CYRIB: variants seen among roughly 807,000 people sequenced by gnomAD.
CYRIB encodes CYFIP related Rac1 interactor B, also known as CYFIP-related Rac1 interactor B.
Under a neutral mutation model 44.2 loss-of-function variants are expected in CYRIB, and 8 were observed. That is an observed-to-expected ratio of 0.18 (90% CI 0.11 to 0.33). The LOEUF (loss-of-function observed/expected upper bound fraction) is 0.33. Among genes scored for constraint, CYRIB ranks in the 10% least tolerant of loss-of-function variants. The pLI, the probability that CYRIB is intolerant of heterozygous loss-of-function variation, is 1.00. For synonymous variants in CYRIB, 131 were observed against 127.2 expected, an observed-to-expected ratio of 1.03 and a Z score of -0.20; for missense variants, 185 against 382.8, an observed-to-expected ratio of 0.48 and a Z score of 4.31.
intron 4 of CYRIB, among the ~76,000 whole-genome samples, chr8:129,865,958 G>A (rs957291121): frequency 4.6e-5 from 7 of 152,224 alleles, no homozygotes; most frequent in Non-Finnish European, 7.4e-5. Context: ...CAGCCACATC[G>A]GGGAAAATAG....
chr8:129,995,445 C>A (rs1229211080), intron 1 of CYRIB, among the ~76,000 whole-genome samples: 3 of 152,230 alleles, frequency 2.0e-5, no homozygotes, highest in African/African-American at 4.8e-5. Context: ...ACCCTAGAAG[C>A]CATTCAGCAT....
intron 10 of CYRIB, chr8:129,847,082 T>A (rs1284509642): frequency 8.7e-6 from 4 of 459,736 alleles, no homozygotes; most frequent in African/African-American, 6.1e-5. Flanking sequence ...GAGAACAAAA[T>A]CAGTCAAACT....
Position 129,849,414 on chromosome 8 carries a change from T to C in CYRIB, c.714-45A>G, listed in dbSNP as rs758583700. ...TGCATGGAAGAAGTGCATTACAAAA[T>C]TCTTTTTAAAAACACACACACACAA... is the stretch of plus-strand genomic sequence containing the variant. On this transcript the variant is annotated intron_variant, in intron 9 of 11. Coordinates refer to ENST00000519824, the Ensembl canonical transcript of CYRIB. 6 of 1,559,912 alleles carry C rather than the reference T, an allele frequency of 3.8e-6. No homozygotes were observed. In the South Asian group the frequency reaches 6.0e-5, roughly 16 times the overall value.
intron 2 of CYRIB, among the ~76,000 whole-genome samples, chr8:129,883,278 G>C (rs549088371): frequency 2.0e-5 from 3 of 151,996 alleles, no homozygotes; most frequent in African/African-American, 7.2e-5. Context: ...CAATCCACTA[G>C]ATACTAGCAG....
intron 1 of CYRIB, among the ~76,000 whole-genome samples, chr8:129,926,117 A>G (rs2087566455): frequency 6.6e-6 from 1 of 152,234 alleles, no homozygotes; most frequent in Admixed American, 6.5e-5. Context: ...CAAACTCAGA[A>G]TACAAGAGTT....
chr8:129,917,657 G>A (rs1361451292), intron 1 of CYRIB, among the ~76,000 whole-genome samples: 3 of 152,136 alleles, frequency 2.0e-5, no homozygotes, highest in Non-Finnish European at 4.4e-5. Context: ...AGGAGTTCGA[G>A]ATCAGCCTGA....
At chr8:129,975,152 T>C (rs1222369970) in intron 1 of CYRIB, among the ~76,000 whole-genome samples, 2 of 152,074 alleles carry the variant, frequency 1.3e-5, no homozygotes, top group African/African-American at 4.8e-5. Context: ...GTGCTGGGAT[T>C]ACAGGCGTGA....
intron 1 of CYRIB, among the ~76,000 whole-genome samples, chr8:129,919,093 CCTGGCCTCCAGTGA>C (rs1259548255): frequency 5.9e-5 from 9 of 152,130 alleles, no homozygotes; most frequent in Non-Finnish European, 1.5e-5. Context: ...GTCTCGAACT[CCTGGCCTCCAGTGA>C]TTGGCCTCGG....
intron 1 of CYRIB, among the ~76,000 whole-genome samples, chr8:129,971,220 A>G (rs2095678215): frequency 6.6e-6 from 1 of 152,068 alleles, no homozygotes; most frequent in African/African-American, 2.4e-5. Flanking sequence ...GCTCACTGCA[A>G]CCTCTGCCTC....
At chr8:129,963,034 T>C (rs995534077) in intron 2 of CYRIB, among the ~76,000 whole-genome samples, 3 of 152,166 alleles carry the variant, frequency 2.0e-5, no homozygotes, top group African/African-American at 7.2e-5. Flanking sequence ...CTGTGCATGT[T>C]ACCCAGAAAA....
chr8:129,924,314 G>GGGGGGGGGTGGGGA (rs1554645242), intron 1 of CYRIB, among the ~76,000 whole-genome samples: 1 of 34,902 alleles, frequency 2.9e-5, no homozygotes, highest in Non-Finnish European at 5.1e-5. Flanking sequence ...GGTGGCGGGG[G>GGGGGGGGGTGGGGA]GGGTGTTACT....
chr8:129,848,125 T>C (rs1037978308), intron 10 of CYRIB, among the ~76,000 whole-genome samples: 1 of 152,120 alleles, frequency 6.6e-6, no homozygotes, highest in African/African-American at 2.4e-5. Context: ...TTCTATTACT[T>C]GATCTGCTAA....
chr8:129,929,770 G>A (rs1452119943), intron 1 of CYRIB, among the ~76,000 whole-genome samples: 1 of 152,142 alleles, frequency 6.6e-6, no homozygotes, highest in Non-Finnish European at 1.5e-5. Flanking sequence ...TTAGGTACAG[G>A]AATTTGCTAC....
intron 2 of CYRIB, among the ~76,000 whole-genome samples, chr8:129,888,876 T>C (rs2063866849): frequency 6.6e-6 from 1 of 152,138 alleles, no homozygotes; most frequent in Non-Finnish European, 1.5e-5. Flanking sequence ...GCGGATCACC[T>C]GAAGTCAGGA....
At chr8:129,906,580 A>G (rs941226676) in intron 1 of CYRIB, among the ~76,000 whole-genome samples, 35 of 152,336 alleles carry the variant, frequency 2.3e-4, no homozygotes, top group Non-Finnish European at 4.7e-4. Context: ...AGCAATGGCA[A>G]CAAAAGACAA....
At position 129,852,156 on chromosome 8, in the gene CYRIB, G is replaced by A. The variant is rs2043639226; in HGVS notation, c.633+6C>T. The stretch of plus-strand genomic sequence containing the variant: ...AACACAGAGTACCTGCCTAGGCAAT[G>A]CTTACCTCTGATACAAATTTTGTTG... On this transcript the variant is annotated splice_donor_region_variant and intron_variant, in intron 8 of 11. Transcript: ENST00000519824. 2 of 1,523,622 alleles carry A rather than the reference G, an allele frequency of 1.3e-6. No homozygotes were observed. The highest frequency in any genetic ancestry group is 1.8e-6 in the Non-Finnish European group (2 of 1,127,978). The allele number at this position is 1,523,622 out of a possible 1,614,324, so 94.4% of individuals were successfully genotyped here.
chr8:130,001,344 G>C (rs1311198753), intron 1 of CYRIB, among the ~76,000 whole-genome samples: 4 of 151,970 alleles, frequency 2.6e-5, no homozygotes, highest in African/African-American at 4.8e-5. Flanking sequence ...AGAGAGATTG[G>C]TCAGGTGCTT....
At chr8:129,849,402 T>C (rs1325501995) in intron 9 of CYRIB, 33 bp from the exon 12 acceptor site, 1 of 1,568,994 alleles carries the variant, frequency 6.4e-7, no homozygotes, top group East Asian at 2.3e-5. Flanking sequence ...ATGGAAGAAG[T>C]GCATTACAAA....
Position 129,978,249 on chromosome 8 carries a change from G to A in CYRIB, c.-295-7254C>T, listed in dbSNP as rs150787884. On this transcript the variant is annotated intron_variant, in intron 1 of 14. Transcript: ENST00000401979. ...CTCTTAATTGAATTGTCTATAGTGT[G>A]TTATATAGCTAATCAGATTACCTGA... Among the ~76,000 whole-genome samples the A allele has an allele frequency of 2.2e-3, 341 of 152,272 alleles. 2 individuals are homozygous for A. The highest frequency in any genetic ancestry group is 7.4e-3 in the African/African-American group (308 of 41,552).
Sources: allele counts gnomAD v4.1 joint callset (sites outside exome capture counted in the v4.1 genomes callset), GRCh38; gene constraint gnomAD v4.1.1; transcripts MANE v1.5; gene names NCBI Gene and HGNC (gene_info 2026-07-23, HGNC 2026-07-21).